Variants in CHRDL1 observed in about 807,000 individuals in gnomAD.
CHRDL1 encodes chordin-like protein 1.
In CHRDL1, 19 loss-of-function variants were observed where a neutral mutation model predicts 40.9. The observed-to-expected ratio is 0.46, with a 90% CI of 0.32 to 0.68. The LOEUF is 0.68. Among genes scored for constraint, CHRDL1 ranks in the 30% least tolerant of loss-of-function variants. The pLI, the probability that CHRDL1 is intolerant of heterozygous loss-of-function variation, is 0.03. For missense variants in CHRDL1, 329 were observed against 352.1 expected, an observed-to-expected ratio of 0.93 and a Z score of 0.53; for synonymous variants, 136 against 123.4, an observed-to-expected ratio of 1.10 and a Z score of -0.68.
intron 6 of CHRDL1, among the ~76,000 whole-genome samples, chrX:110,718,742 T>C (rs1266872977): frequency 8.9e-6 from 1 of 112,376 alleles, no homozygotes; most frequent in Non-Finnish European, 1.9e-5. Flanking sequence ...TTATTTTTAA[T>C]CTCAGTCCTA....
intron 2 of CHRDL1, among the ~76,000 whole-genome samples, chrX:110,783,763 A>C (rs2089978357): frequency 1.8e-5 from 2 of 111,588 alleles, no homozygotes; most frequent in Non-Finnish European, 3.8e-5. Context: ...GCCCCTGTTA[A>C]TAGGAACAAT....
At chrX:110,729,314 C>CTT (rs1259090151) in intron 4 of CHRDL1, among the ~76,000 whole-genome samples, 1 of 105,091 alleles carries the variant, frequency 9.5e-6, no homozygotes. Context: ...CTTTAGATTT[C>CTT]TTTTTTTTTT....
chrX:110,721,588 T>G, intron 4 of CHRDL1, 58 bp from the exon 5 acceptor site: 1 of 1,032,036 alleles, frequency 9.7e-7, no homozygotes, highest in Non-Finnish European at 1.4e-6. Flanking sequence ...AAGAATTTCA[T>G]AAATCCCAAC....
chrX:110,700,592 A>G, intron 7 of CHRDL1, 62 bp downstream of exon 7: 1 of 756,954 alleles, frequency 1.3e-6, no homozygotes, highest in East Asian at 3.2e-5. Flanking sequence ...AGTAGCCACG[A>G]GGAGAGGAAA....
At chrX:110,765,620 A>G (rs2148513000) in intron 2 of CHRDL1, among the ~76,000 whole-genome samples, 1 of 111,592 alleles carries the variant, frequency 9.0e-6, no homozygotes, top group South Asian at 3.8e-4. Context: ...ATTTGGGTTT[A>G]TTTCTGGGTT....
chrX:110,718,017 T>C (rs2070875028), intron 6 of CHRDL1, among the ~76,000 whole-genome samples: 1 of 112,210 alleles, frequency 8.9e-6, no homozygotes, highest in African/African-American at 3.2e-5. Context: ...CTTTTAATTA[T>C]TGGGTCCTCA....
Position 110,688,600 on chromosome X carries a change from C to G in CHRDL1, c.982G>C (p.Ala328Pro), listed in dbSNP as rs1385154795. The G allele has an allele frequency of 2.5e-6, 3 of 1,208,295 alleles. No homozygotes were observed. The highest frequency in any genetic ancestry group is 4.4e-5 in the Admixed American group (2 of 45,932). The change falls in exon 9 of 12, where the codon GCA (alanine) becomes CCA (proline). Residue 328 changes from alanine to proline, a missense_variant. Coordinates refer to ENST00000372042, the MANE Select transcript of CHRDL1 (RefSeq NM_001143981.2). ...KCCKVCPGKK[A>P]KEELPGQSFD... The stretch of plus-strand genomic sequence containing the variant: ...GGGCCTCCAACCAACGCACCTTTTG[C>G]TTTTTTACCTGGACACACCTTGCAG...
chrX:110,791,162 T>C (rs2090093001), intron 2 of CHRDL1, among the ~76,000 whole-genome samples: 1 of 111,124 alleles, frequency 9.0e-6, no homozygotes, highest in East Asian at 2.8e-4. Context: ...ACCAAGAATA[T>C]TTTCACAGCT....
At position 110,679,466 on chromosome X, in the gene CHRDL1, A is replaced by G. The variant is rs372356259; in HGVS notation, c.1157-41T>C. Reference sequence around the variant, plus strand: ...AAGTGGAGCAAATGGTCAGGCACTCAATCTGGAACCATCAACTCCTTTTTT... The same window carrying G: ...AAGTGGAGCAAATGGTCAGGCACTCGATCTGGAACCATCAACTCCTTTTTT... On this transcript the variant is annotated intron_variant, in intron 10 of 11. Coordinates refer to ENST00000372042, the MANE Select transcript of CHRDL1 (RefSeq NM_001143981.2). The G allele has an allele frequency of 1.1e-4, 102 of 913,509 alleles. No homozygotes were observed. In the African/African-American group the frequency reaches 1.8e-3, roughly 16 times the overall value. The allele number at this position is 913,509 out of a possible 1,213,427, so 75.3% of individuals were successfully genotyped here. A position where few individuals can be genotyped will look rare whatever the true frequency, so the allele number is the denominator to read the frequency against.
At chrX:110,774,552 G>A (rs1309890118) in intron 2 of CHRDL1, among the ~76,000 whole-genome samples, 1 of 110,673 alleles carries the variant, frequency 9.0e-6, no homozygotes, top group Non-Finnish European at 1.9e-5. Context: ...ATACAATGCA[G>A]CAGATATATA....
intron 2 of CHRDL1, among the ~76,000 whole-genome samples, chrX:110,772,941 A>T (rs776587051): frequency 8.9e-6 from 1 of 112,768 alleles, no homozygotes; most frequent in African/African-American, 3.2e-5. Context: ...CTAATTTTTT[A>T]AAACTTCTAA....
At chrX:110,772,619 A>G (rs1251938920) in intron 2 of CHRDL1, among the ~76,000 whole-genome samples, 2 of 112,494 alleles carry the variant, frequency 1.8e-5, no homozygotes. Context: ...AGCCTGAGCG[A>G]TAGAGCAAGA....
rs1317450802 is a variant in CHRDL1, at chrX:110,681,662, A to C, written c.989-13T>G. 1 of 1,180,642 alleles carries C rather than the reference A, an allele frequency of 8.5e-7. No homozygotes were observed. Among genetic ancestry groups the C allele is most frequent in the East Asian group, 3.0e-5 (1 of 33,635 alleles). The stretch of plus-strand genomic sequence containing the variant: ...CCTGGAAGTTCTTCTGGAATCAGGA[A>C]GCAAGTAGAATTTTGTCATGGTTTT... On this transcript the variant is annotated splice_polypyrimidine_tract_variant and intron_variant, in intron 9 of 11. Coordinates refer to ENST00000372042, the MANE Select transcript of CHRDL1 (RefSeq NM_001143981.2).
chrX:110,763,752 C>A (rs755073266), intron 2 of CHRDL1, among the ~76,000 whole-genome samples: 2 of 111,414 alleles, frequency 1.8e-5, no homozygotes, highest in Admixed American at 1.9e-4. Flanking sequence ...TGCATAGATA[C>A]CCAACACTGG....
chrX:110,789,230 CAAGCA>C (rs1361277761), intron 2 of CHRDL1, among the ~76,000 whole-genome samples: 1 of 111,258 alleles, frequency 9.0e-6, no homozygotes, highest in African/African-American at 3.3e-5. Flanking sequence ...AGAAAAATAC[CAAGCA>C]AAACTTACAG....
At chrX:110,705,364 C>CAT (rs1380762982) in intron 6 of CHRDL1, among the ~76,000 whole-genome samples, 4 of 2,397 alleles carry the variant, frequency 1.7e-3, no homozygotes, top group East Asian at 0.018. Flanking sequence ...TACACACACA[C>CAT]ATATATATAT....
chrX:110,731,386 T>TA (rs965879488), intron 4 of CHRDL1, among the ~76,000 whole-genome samples: 9 of 109,532 alleles, frequency 8.2e-5, no homozygotes, highest in African/African-American at 1.0e-4. Context: ...GGTGAGAATG[T>TA]AAAAAAAAAT....
rs776444616 is a variant in CHRDL1, at chrX:110,773,499, C to T, written c.95-10692G>A. ...ATCCCAGCACTTTGGGAGGCCGAGG[C>T]GGGCGAATCACGAGTTAAGGAGATC... On this transcript the variant is annotated intron_variant, in intron 2 of 11. Transcript: ENST00000372042. 1.1e-4 allele frequency among the ~76,000 whole-genome samples: 12 copies of T among 110,432 alleles called. No homozygotes were observed. In the South Asian group the frequency reaches 1.2e-3, roughly 11 times the overall value.
At chrX:110,747,224 T>TCATCCAGATGC (rs1355697677) in intron 4 of CHRDL1, among the ~76,000 whole-genome samples, 1 of 110,874 alleles carries the variant, frequency 9.0e-6, no homozygotes, top group African/African-American at 3.3e-5. Context: ...CCAGATGGCT[T>TCATCCAGATGC]CATCCAGATG....
Sources: allele counts gnomAD v4.1 joint callset (sites outside exome capture counted in the v4.1 genomes callset), GRCh38; gene constraint gnomAD v4.1.1; transcripts MANE v1.5; gene names NCBI Gene and HGNC (gene_info 2026-07-23, HGNC 2026-07-21).